Variants in DTNA observed in about 807,000 individuals in gnomAD.
DTNA encodes dystrobrevin alpha, also known as dystrophin-related protein 3.
A neutral mutation model predicts 100.7 loss-of-function variants in DTNA; 43 were observed. The observed-to-expected ratio is 0.43, with a 90% CI of 0.33 to 0.55. DTNA has a LOEUF of 0.55. DTNA is among the 20% of genes least tolerant of loss of function. The probability of loss-of-function intolerance (pLI) is 0.04; values close to 1 mark genes in which losing one functional copy is unlikely to be tolerated. For synonymous variants in DTNA, 349 were observed against 347.9 expected, an observed-to-expected ratio of 1.00 and a Z score of -0.04; for missense variants, 798 against 953.9, an observed-to-expected ratio of 0.84 and a Z score of 2.15.
intron 13 of DTNA, among the ~76,000 whole-genome samples, chr18:34,846,915 T>A (rs2096389861): frequency 6.6e-6 from 1 of 152,176 alleles, no homozygotes; most frequent in Non-Finnish European, 1.5e-5. Context: ...TAAGAGGGTG[T>A]CTTTACAATA....
At chr18:34,780,062 GA>G (rs946649898) in intron 3 of DTNA, among the ~76,000 whole-genome samples, 4 of 150,984 alleles carry the variant, frequency 2.6e-5, no homozygotes, top group Non-Finnish European at 5.9e-5. Flanking sequence ...TTTTCTGAAG[GA>G]AAAAGGGGTT....
chr18:34,857,108 A>G (rs1327312935), intron 15 of DTNA, among the ~76,000 whole-genome samples: 12 of 152,180 alleles, frequency 7.9e-5, no homozygotes, highest in Admixed American at 7.9e-4. Flanking sequence ...CCCTTAAACT[A>G]TCTGACATGT....
chr18:34,634,450 A>C (rs1359234978), intron 1 of DTNA, among the ~76,000 whole-genome samples: 2 of 152,178 alleles, frequency 1.3e-5, no homozygotes, highest in Non-Finnish European at 2.9e-5. Flanking sequence ...TTTAGTAAGA[A>C]AGACAGCATG....
chr18:34,756,008 C>A lies in DTNA; in HGVS notation c.32C>A (p.Thr11Asn), dbSNP rs2092743143. The A allele has an allele frequency of 1.2e-6, 2 of 1,613,266 alleles. No individual in the cohort carries two copies. Among genetic ancestry groups the A allele is most frequent in the Non-Finnish European group, 1.7e-6 (2 of 1,179,612 alleles). The stretch of plus-strand genomic sequence containing the variant: ...GAAGATAGTGGGAAAAGAGGAAATA[C>A]CATGGCAGAAAGAAGACAGCTGTTT... MIEDSGKRGNTMAERRQLFAE... is the reference protein window; with the variant it reads MIEDSGKRGNNMAERRQLFAE... Residue 11 changes from threonine to asparagine, a missense_variant, in exon 2 of 23, where the codon ACC (threonine) becomes AAC (asparagine). This residue lies in a region of DTNA where 197 missense variants were observed against 215.4 expected (regional missense o/e 0.91). Transcript: ENST00000444659.
At chr18:34,856,349 G>A (rs896034124) in intron 15 of DTNA, among the ~76,000 whole-genome samples, 2 of 152,218 alleles carry the variant, frequency 1.3e-5, no homozygotes, top group Non-Finnish European at 1.5e-5. Flanking sequence ...AGATCTGTGA[G>A]TTTAAGGGGA....
At chr18:34,642,517 C>T (rs2059392050) in intron 1 of DTNA, among the ~76,000 whole-genome samples, 1 of 151,330 alleles carries the variant, frequency 6.6e-6, no homozygotes, top group African/African-American at 2.4e-5. Flanking sequence ...TTCTTTCTTT[C>T]CTTCTTTCCT....
intron 1 of DTNA, among the ~76,000 whole-genome samples, chr18:34,506,396 T>A (rs1294266559): frequency 6.6e-6 from 1 of 152,158 alleles, no homozygotes; most frequent in Non-Finnish European, 1.5e-5. Flanking sequence ...CCCAGCTTTT[T>A]ACTTGGCCTT....
intron 13 of DTNA, among the ~76,000 whole-genome samples, chr18:34,839,156 A>G (rs767308493): frequency 1.3e-5 from 2 of 152,162 alleles, no homozygotes. Flanking sequence ...ATGTCAAATT[A>G]CCACAGGATG....
intron 1 of DTNA, among the ~76,000 whole-genome samples, chr18:34,632,142 A>G (rs1010611169): frequency 6.6e-6 from 1 of 152,158 alleles, no homozygotes; most frequent in Non-Finnish European, 1.5e-5. Context: ...TCCATTTGTA[A>G]TGTAAACTTC....
At chr18:34,884,360 T>C (rs930510708) in intron 21 of DTNA, among the ~76,000 whole-genome samples, 1 of 152,216 alleles carries the variant, frequency 6.6e-6, no homozygotes, top group African/African-American at 2.4e-5. Flanking sequence ...GAAGGGAATT[T>C]CTACTAATGA....
intron 3 of DTNA, among the ~76,000 whole-genome samples, chr18:34,770,034 AT>A (rs2093689180): frequency 1.3e-5 from 2 of 151,932 alleles, no homozygotes; most frequent in African/African-American, 4.8e-5. Context: ...GGCCTCTTTT[AT>A]AAGGGCACTA....
chr18:34,497,204 C>G (rs188683406), intron 1 of DTNA, among the ~76,000 whole-genome samples: 253 of 152,176 alleles, frequency 1.7e-3, no homozygotes, highest in Non-Finnish European at 2.3e-3. Flanking sequence ...GCCAGGATGT[C>G]TCAAAATAGA....
At chr18:34,778,890 T>G (rs2094186418) in intron 3 of DTNA, among the ~76,000 whole-genome samples, 1 of 152,066 alleles carries the variant, frequency 6.6e-6, no homozygotes, top group Admixed American at 6.6e-5. Context: ...TGATCTCGGC[T>G]CACTGCAAGC....
At chr18:34,649,238 G>A (rs772510360) in intron 1 of DTNA, among the ~76,000 whole-genome samples, 5 of 152,124 alleles carry the variant, frequency 3.3e-5, no homozygotes, top group Admixed American at 6.6e-5. Context: ...TTTCCCAGAG[G>A]TATTGAGAGA....
At chr18:34,725,359 C>G (rs1017824449) in intron 1 of DTNA, among the ~76,000 whole-genome samples, 2 of 150,156 alleles carry the variant, frequency 1.3e-5, no homozygotes, top group African/African-American at 4.9e-5. Flanking sequence ...TGACAAAGGG[C>G]TAATATCTAG....
At chr18:34,537,253 A>C (rs917519622) in intron 1 of DTNA, among the ~76,000 whole-genome samples, 1 of 151,994 alleles carries the variant, frequency 6.6e-6, no homozygotes, top group Non-Finnish European at 1.5e-5. Context: ...ATGACTACCT[A>C]ATCTATTCTT....
intron 1 of DTNA, among the ~76,000 whole-genome samples, chr18:34,616,939 A>G (rs752814934): frequency 6.2e-4 from 94 of 152,122 alleles, no homozygotes; most frequent in Non-Finnish European, 9.7e-4. Context: ...TGCTATTGGA[A>G]TGAAGAAATG....
intron 1 of DTNA, among the ~76,000 whole-genome samples, chr18:34,505,128 C>T (rs116476614): frequency 0.023 from 3,552 of 152,290 alleles, 70 homozygotes; most frequent in African/African-American, 0.051. Context: ...AAGGTGTTAG[C>T]AAGGCTGCTT....
At chr18:34,714,950 C>G (rs982856951) in intron 1 of DTNA, among the ~76,000 whole-genome samples, 8 of 151,306 alleles carry the variant, frequency 5.3e-5, no homozygotes, top group Admixed American at 4.0e-4. Context: ...AGTAAACTAT[C>G]GCAAGAACAA....
Sources: gnomAD v4.1 joint callset for allele counts (sites outside exome capture counted in the v4.1 genomes callset) on GRCh38, gnomAD v4.1.1 for gene constraint, gnomAD v4.1.1 regional missense constraint, MANE v1.5 for transcripts, NCBI Gene and HGNC (gene_info 2026-07-23, HGNC 2026-07-21) for gene names.